The following MICA variants were observed in gnomAD, a reference collection of about 807,000 sequenced individuals.
MICA encodes the protein MHC class I polypeptide-related sequence A.
Under a neutral mutation model 34.3 loss-of-function variants are expected in MICA, and 18 were observed. That is an observed-to-expected ratio of 0.52 (90% CI 0.36 to 0.78). The LOEUF (loss-of-function observed/expected upper bound fraction) is 0.78, where lower values mean the gene tolerates loss of function less well. MICA is among the 30% of genes least tolerant of loss of function. The pLI, the probability that MICA is intolerant of heterozygous loss-of-function variation, is 0.00. For missense variants in MICA, 333 were observed against 409.4 expected (o/e 0.81, Z 1.61); for synonymous variants, 135 against 156.9 (o/e 0.86, Z 1.04).
chr6:31,405,371 T>TA (rs1337919760), intron 1 of MICA, among the ~76,000 whole-genome samples: 1 of 150,884 alleles, frequency 6.6e-6, no homozygotes, highest in Non-Finnish European at 1.5e-5. Flanking sequence ...CTACCTTGGT[T>TA]TTCTCTCTCT....
chr6:31,414,102 GCC>G (rs989006506), intron 5 of MICA, among the ~76,000 whole-genome samples: 1 of 151,992 alleles, frequency 6.6e-6, no homozygotes, highest in Admixed American at 6.6e-5. Context: ...CAAATTTGGA[GCC>G]CCCTCTCCAG....
rs1582662101 is a variant in MICA, at chr6:31,403,707, G to A, written c.70+5G>A. ...CACCTCCGGGAGCTGCTGCTGGTGA[G>A]TGGCGTTCCTGGCGGTCCTCGGCGG... is the stretch of plus-strand genomic sequence containing the variant. On this transcript the variant is annotated splice_donor_5th_base_variant and intron_variant, in intron 1 of 5. Transcript: ENST00000449934. This position sits in a 1 kb window ranked among gnomAD's most constrained non-coding sequence, Gnocchi z 4.7. 1 of 1,529,634 alleles carries A rather than the reference G, an allele frequency of 6.5e-7. No individual in the cohort carries two copies. The highest frequency in any genetic ancestry group is 8.8e-7 in the Non-Finnish European group (1 of 1,139,682). 94.8% of individuals were successfully genotyped at this position (1,529,634 alleles called of 1,614,324 possible). A position where few individuals can be genotyped will look rare whatever the true frequency, so the allele number is the denominator to read the frequency against.
Position 31,412,400 on chromosome 6 carries a change from GTTA to G in MICA, c.977_979del (p.Tyr326del), listed in dbSNP as rs1771245708. 6.4e-7 allele frequency: 1 copy of G among 1,571,318 alleles called. No individual in the cohort carries two copies. The highest frequency in any genetic ancestry group is 8.6e-7 in the Non-Finnish European group (1 of 1,158,214). On this transcript the variant is annotated inframe_deletion, in exon 5 of 6. Coordinates refer to ENST00000449934, the MANE Select transcript of MICA (RefSeq NM_001177519.3). ...GTTGCTGCTGGCTGCTGCTATTTTT[GTTA>G]TTATTATTTTCTATGTCCGTTGTTG...
At chr6:31,408,577 T>A (rs1770877607) in intron 1 of MICA, among the ~76,000 whole-genome samples, 1 of 151,918 alleles carries the variant, frequency 6.6e-6, no homozygotes, top group African/African-American at 2.4e-5. Flanking sequence ...AACTCCCCAT[T>A]CCTCCCTACC....
chr6:31,400,983 A>C (rs1387116563), upstream of MICA, among the ~76,000 whole-genome samples: 1 of 151,654 alleles, frequency 6.6e-6, no homozygotes, highest in African/African-American at 2.4e-5. Flanking sequence ...TGGCTTCATG[A>C]CTCCCTGAAA....
chr6:31,400,763 C>G (rs2523452), upstream of MICA: 62,344 of 150,296 alleles, frequency 0.41, 13,775 homozygotes, highest in African/African-American at 0.53. Context: ...CCTCTGTGCT[C>G]GTGAGTGCAT....
rs1770599387 is a variant in MICA at position 31,403,963 on chromosome 6, C to T, written c.70+261C>T. 1.3e-5 allele frequency among the ~76,000 whole-genome samples: 2 copies of T among 151,834 alleles called. No individual in the cohort carries two copies. Among genetic ancestry groups the T allele is most frequent in the Admixed American group, 1.3e-4 (2 of 15,196 alleles). ...TCTCCTCGCGTCTCCTCCGCTTCCT[C>T]TCACTTTTCGGACAAACCAGTCCTT... On this transcript the variant is annotated intron_variant, in intron 1 of 5. Transcript: ENST00000449934. This position sits in a 1 kb window ranked among gnomAD's most constrained non-coding sequence, Gnocchi z 4.7.
chr6:31,406,024 T>C (rs147873043), intron 1 of MICA, among the ~76,000 whole-genome samples: 1 of 151,964 alleles, frequency 6.6e-6, no homozygotes, highest in African/African-American at 2.4e-5. Flanking sequence ...GATAGCTCTT[T>C]AATATACCGA....
intron 1 of MICA, among the ~76,000 whole-genome samples, chr6:31,406,251 A>G (rs1014792502): frequency 8.6e-5 from 13 of 151,338 alleles, no homozygotes; most frequent in African/African-American, 2.9e-4. Context: ...AAGCCAGTTT[A>G]TCTGGGGTGG....
rs558396927 is a variant in MICA at position 31,413,128 on chromosome 6, C to T, written c.*29+668C>T. Reference sequence around the variant, plus strand: ...AGCTTTCTTGGGGTTGTCGTGTCCTCTGCACCATTCGAGGCCCTACTCTTT... The same window carrying T: ...AGCTTTCTTGGGGTTGTCGTGTCCTTTGCACCATTCGAGGCCCTACTCTTT... On this transcript the variant is annotated intron_variant, in intron 5 of 5. Coordinates refer to ENST00000449934, the MANE Select transcript of MICA (RefSeq NM_001177519.3). 1.5e-3 allele frequency among the ~76,000 whole-genome samples: 233 copies of T among 152,062 alleles called. 1 individual carries two copies. The highest frequency in any genetic ancestry group is 5.1e-3 in the African/African-American group (213 of 41,424).
upstream of MICA, among the ~76,000 whole-genome samples, chr6:31,401,063 T>G (rs984858425): frequency 1.3e-5 from 2 of 151,788 alleles, no homozygotes; most frequent in Non-Finnish European, 1.5e-5. Context: ...AAGTCTTTTT[T>G]GGGGGCGAGC....
chr6:31,405,908 C>T (rs1420881317), intron 1 of MICA, among the ~76,000 whole-genome samples: 1 of 151,926 alleles, frequency 6.6e-6, no homozygotes, highest in Non-Finnish European at 1.5e-5. Flanking sequence ...TCTCCACATA[C>T]ACATGTACAC....
intron 1 of MICA, among the ~76,000 whole-genome samples, chr6:31,408,039 T>G (rs1391565075): frequency 1.3e-5 from 2 of 151,926 alleles, no homozygotes; most frequent in African/African-American, 4.8e-5. Flanking sequence ...CTTAGTTTTT[T>G]GAGAGTTTTT....
intron 1 of MICA, among the ~76,000 whole-genome samples, chr6:31,409,456 ATT>A (rs1770950326): frequency 6.6e-6 from 1 of 151,540 alleles, no homozygotes; most frequent in Non-Finnish European, 1.5e-5. Flanking sequence ...ATCATTTGTA[ATT>A]TTCTTTGAAG....
rs1160946084 is a variant in MICA at position 31,411,048 on chromosome 6, G to A, written c.326-24G>A. 6.4e-7 allele frequency: 1 copy of A among 1,557,192 alleles called. No homozygotes were observed. Among genetic ancestry groups the A allele is most frequent in the Non-Finnish European group, 8.7e-7 (1 of 1,151,686 alleles). ...GAAAGGTGATGGGTTCGGGAATGGA[G>A]AAGTCACTGCTGGGTGGGGGCAGGC... On this transcript the variant is annotated intron_variant, in intron 2 of 5. Coordinates refer to ENST00000449934, the MANE Select transcript of MICA (RefSeq NM_001177519.3). This position sits in a 1 kb window ranked among gnomAD's most constrained non-coding sequence, Gnocchi z 4.3.
At chr6:31,404,952 A>C (rs1322837618) in intron 1 of MICA, among the ~76,000 whole-genome samples, 1 of 151,472 alleles carries the variant, frequency 6.6e-6, no homozygotes, top group Non-Finnish European at 1.5e-5. Context: ...TCTCTTGCCC[A>C]GCTGCCTTGG....
chr6:31,412,816 A>T (rs1432296257), intron 5 of MICA, among the ~76,000 whole-genome samples: 1 of 151,774 alleles, frequency 6.6e-6, no homozygotes, highest in Non-Finnish European at 1.5e-5. Context: ...AAGGGCCTGG[A>T]TGATCACGGC....
At chr6:31,400,881 T>G (rs1770385706), upstream of MICA, 1 of 150,774 alleles carries the variant, frequency 6.6e-6, no homozygotes, top group South Asian at 2.1e-4. Flanking sequence ...CCTGGGAGGC[T>G]TGGTGGGGGA....
intron 1 of MICA, 130 bp from the exon 2 acceptor site, chr6:31,410,413 C>A (rs1161485076): frequency 2.5e-6 from 3 of 1,209,348 alleles, no homozygotes. Context: ...TATATGAAAT[C>A]CTCGTTCTTG....
Sources: gnomAD v4.1 joint callset for allele counts (sites outside exome capture counted in the v4.1 genomes callset) on GRCh38, gnomAD v4.1.1 for gene constraint, Gnocchi (gnomAD v3.1) non-coding constraint, MANE v1.5 for transcripts, NCBI Gene and HGNC (gene_info 2026-07-23, HGNC 2026-07-21) for gene names.